The following HDAC9 variants were observed in gnomAD, a reference collection of about 807,000 sequenced individuals.
HDAC9 encodes the protein histone deacetylase 9, also known as MEF-2 interacting transcription repressor (MITR) protein.
A neutral mutation model predicts 139.4 loss-of-function variants in HDAC9; 41 were observed. The ratio of observed to expected loss-of-function variants is 0.29; its 90% confidence interval spans 0.23 to 0.38. The LOEUF (loss-of-function observed/expected upper bound fraction) is 0.38, where lower values mean the gene tolerates loss of function less well. HDAC9 is among the 10% of genes least tolerant of loss of function. HDAC9 has a pLI of 1.00. For missense variants in HDAC9, 1,147 were observed against 1,297.0 expected, an observed-to-expected ratio of 0.88 and a Z score of 1.78; for synonymous variants, 517 against 476.2, an observed-to-expected ratio of 1.09 and a Z score of -1.12.
chr7:18,393,428 A>C (rs1356516851), intron 1 of HDAC9, among the ~76,000 whole-genome samples: 2 of 152,134 alleles, frequency 1.3e-5, no homozygotes, highest in Non-Finnish European at 2.9e-5. Flanking sequence ...AATGCAGCAA[A>C]ATGGTCACCT....
chr7:18,736,527 G>A (rs1786916225), intron 13 of HDAC9, among the ~76,000 whole-genome samples: 1 of 152,170 alleles, frequency 6.6e-6, no homozygotes, highest in Non-Finnish European at 1.5e-5. Flanking sequence ...TTTATGTGAT[G>A]GATTACGTTT....
chr7:18,656,213 C>T (rs775144213), intron 11 of HDAC9, among the ~76,000 whole-genome samples: 36 of 152,004 alleles, frequency 2.4e-4, no homozygotes, highest in Middle Eastern at 3.2e-3. Flanking sequence ...GGCAGAATTG[C>T]ATCCAGAGCT....
At chr7:18,584,690 CTTG>C (rs2128798349) in intron 2 of HDAC9, among the ~76,000 whole-genome samples, 1 of 152,254 alleles carries the variant, frequency 6.6e-6, no homozygotes, top group South Asian at 2.1e-4. Flanking sequence ...ACTTTCACTC[CTTG>C]TTGTTTGGAT....
At chr7:18,250,053 G>A (rs957634292) in intron 2 of HDAC9, among the ~76,000 whole-genome samples, 2 of 152,188 alleles carry the variant, frequency 1.3e-5, no homozygotes, top group African/African-American at 4.8e-5. Context: ...CTCTGCCAGT[G>A]AGATAAAAAC....
chr7:18,214,919 G>A (rs1008103780), intron 2 of HDAC9, among the ~76,000 whole-genome samples: 7 of 152,212 alleles, frequency 4.6e-5, no homozygotes, highest in Non-Finnish European at 7.4e-5. Flanking sequence ...TTTTGGAAGA[G>A]CATACTGTTG....
At chr7:18,174,390 C>T (rs1047493930) in intron 2 of HDAC9, among the ~76,000 whole-genome samples, 6 of 152,088 alleles carry the variant, frequency 3.9e-5, no homozygotes, top group East Asian at 1.9e-4. Flanking sequence ...GCGATGGGTT[C>T]GAACATCCTC....
At chr7:18,379,258 AACC>A (rs1785236227) in intron 1 of HDAC9, among the ~76,000 whole-genome samples, 2 of 152,226 alleles carry the variant, frequency 1.3e-5, no homozygotes, top group South Asian at 2.1e-4. Flanking sequence ...TTAAAATCGT[AACC>A]ACATTATCCA....
intron 1 of HDAC9, among the ~76,000 whole-genome samples, chr7:18,396,628 T>C (rs1562950123): frequency 6.6e-6 from 1 of 152,154 alleles, no homozygotes; most frequent in East Asian, 1.9e-4. Context: ...TTTTTACCCT[T>C]GATTGTCACT....
chr7:18,096,883 TTGTGTGTGTGTGTGTGTGTG>T (rs59590063), intron 1 of HDAC9, among the ~76,000 whole-genome samples: 1 of 145,218 alleles, frequency 6.9e-6, no homozygotes, highest in South Asian at 2.2e-4. Flanking sequence ...CTTGTTGGCT[TTGTGTGTGTGTGTGTGTGTG>T]TGTGTGTGTG....
intron 23 of HDAC9, among the ~76,000 whole-genome samples, chr7:18,952,122 C>A (rs1201355116): frequency 1.3e-5 from 2 of 151,932 alleles, no homozygotes; most frequent in East Asian, 3.9e-4. Context: ...TCAACTAAAA[C>A]ATGCAGGGAA....
chr7:18,587,595 T>G (rs1233778196), intron 3 of HDAC9, among the ~76,000 whole-genome samples: 2 of 152,202 alleles, frequency 1.3e-5, no homozygotes, highest in Non-Finnish European at 2.9e-5. Flanking sequence ...TAATCAACAT[T>G]TGTTGAGTTA....
chr7:18,181,841 A>G (rs1789457138), intron 2 of HDAC9, among the ~76,000 whole-genome samples: 1 of 152,194 alleles, frequency 6.6e-6, no homozygotes, highest in Non-Finnish European at 1.5e-5. Flanking sequence ...GGAAAACCAA[A>G]TACAAGGGTA....
chr7:18,622,292 C>T (rs1023042358), intron 6 of HDAC9, among the ~76,000 whole-genome samples: 2 of 152,202 alleles, frequency 1.3e-5, no homozygotes, highest in African/African-American at 2.4e-5. Flanking sequence ...CATTGTATAT[C>T]CCAAATATTC....
At chr7:18,211,683 A>G (rs1469766758) in intron 2 of HDAC9, among the ~76,000 whole-genome samples, 3 of 152,194 alleles carry the variant, frequency 2.0e-5, no homozygotes, top group Non-Finnish European at 2.9e-5. Context: ...GTGGTTATGT[A>G]TGCAGCAAAC....
intron 12 of HDAC9, among the ~76,000 whole-genome samples, chr7:18,684,256 A>G (rs2129092372): frequency 6.6e-6 from 1 of 151,546 alleles, no homozygotes; most frequent in African/African-American, 2.4e-5. Flanking sequence ...CCTATCTCAA[A>G]AAAAAAAAAG....
chr7:18,377,027 G>C (rs927920307), intron 1 of HDAC9, among the ~76,000 whole-genome samples: 3 of 152,116 alleles, frequency 2.0e-5, no homozygotes. Context: ...TCCTTGGCTA[G>C]AGATACAGTG....
intron 1 of HDAC9, among the ~76,000 whole-genome samples, chr7:18,411,498 G>A (rs1056104963): frequency 3.3e-5 from 5 of 151,570 alleles, no homozygotes; most frequent in East Asian, 2.0e-4. Context: ...CCTCAGCCTC[G>A]CATGTAGCTG....
At chr7:18,467,440 C>G (rs1794375207) in intron 1 of HDAC9, among the ~76,000 whole-genome samples, 1 of 152,136 alleles carries the variant, frequency 6.6e-6, no homozygotes, top group South Asian at 2.1e-4. Flanking sequence ...GTTTTTCCTG[C>G]TTTCTTGCCT....
At chr7:18,935,409 A>G (rs73684342) in intron 22 of HDAC9, among the ~76,000 whole-genome samples, 12,167 of 152,170 alleles carry the variant, frequency 0.08, 1,562 homozygotes, top group African/African-American at 0.27. Flanking sequence ...GGCATAGAAA[A>G]CTTTCTATAA....
Sources: allele counts gnomAD v4.1 joint callset (sites outside exome capture counted in the v4.1 genomes callset), GRCh38; gene constraint gnomAD v4.1.1; transcripts MANE v1.5; gene names NCBI Gene and HGNC (gene_info 2026-07-23, HGNC 2026-07-21).